The following PTPMT1 variants were observed in gnomAD, a reference collection of about 807,000 sequenced individuals.
PTPMT1 encodes protein tyrosine phosphatase mitochondrial 1.
In PTPMT1, 12 loss-of-function variants were observed where a neutral mutation model predicts 17.8. That is an observed-to-expected ratio of 0.67 (90% CI 0.43 to 1.09). PTPMT1 has a LOEUF of 1.09. Ranked by LOEUF, PTPMT1 falls within the 50% of genes least tolerant of loss-of-function variation. The probability of loss-of-function intolerance (pLI) is 0.00; values close to 1 mark genes in which losing one functional copy is unlikely to be tolerated. For missense variants in PTPMT1, 262 were observed against 266.0 expected (o/e 0.99, Z 0.10); for synonymous variants, 132 against 116.8 (o/e 1.13, Z -0.84).
chr11:47,565,869 C>T, intron 1 of PTPMT1, 37 bp from the exon 2 acceptor site: 1 of 1,611,340 alleles, frequency 6.2e-7, no homozygotes, highest in Non-Finnish European at 8.5e-7. Context: ...GCTGGGGTCT[C>T]CACCGTCTTT....
At chr11:47,568,733 C>G (rs964820533) in intron 2 of PTPMT1, among the ~76,000 whole-genome samples, 2 of 151,904 alleles carry the variant, frequency 1.3e-5, no homozygotes, top group African/African-American at 4.8e-5. Context: ...CTCTTGTCTC[C>G]CAGGCTGGAG....
chr11:47,572,967 T>C lies in PTPMT1; in HGVS notation c.*1338T>C. 6.2e-7 allele frequency: 1 copy of C among 1,614,196 alleles called. No individual in the cohort carries two copies. The highest frequency in any genetic ancestry group is 8.5e-7 in the Non-Finnish European group (1 of 1,180,034). On this transcript the variant is annotated 3_prime_UTR_variant, in exon 4 of 4. Transcript: ENST00000326674. ...AAACTGCAAATTGGTAAGCAGCACC[T>C]TAATACCTCTTGTGACAGTTACGGC... is the stretch of plus-strand genomic sequence containing the variant.
At chr11:47,566,030 C>A in intron 2 of PTPMT1, 44 bp downstream of exon 2, 1 of 1,331,010 alleles carries the variant, frequency 7.5e-7, no homozygotes, top group South Asian at 1.5e-5. Flanking sequence ...CCCGCTCCCC[C>A]TCGCCCACCG....
chr11:47,573,216 T>G lies in PTPMT1; in HGVS notation c.*1587T>G. ...CACCAGATCTTTATGCACAGCTGCG[T>G]GCATGCGGCCTGCAAAGGGCAGCAC... On this transcript the variant is annotated 3_prime_UTR_variant, in exon 4 of 4. Transcript: ENST00000326674. This position sits in a 1 kb window ranked among gnomAD's most constrained non-coding sequence, Gnocchi z 4.1. 6.2e-7 allele frequency: 1 copy of G among 1,614,168 alleles called. No homozygotes were observed. Among genetic ancestry groups the G allele is most frequent in the Non-Finnish European group, 8.5e-7 (1 of 1,180,028 alleles).
Position 47,569,732 on chromosome 11 carries a change from G to A in PTPMT1, c.288G>A (p.Arg96=), listed in dbSNP as rs1303998136. The A allele has an allele frequency of 6.2e-7, 1 of 1,613,516 alleles. No homozygotes were observed. Among genetic ancestry groups the A allele is most frequent in the Non-Finnish European group, 8.5e-7 (1 of 1,179,826 alleles). ...EWKRLGVEQL[R]LSTVDMTGIP... is the part of the protein sequence containing the mutation. ...AGAGACTAGGAGTCGAGCAGCTGCG[G>A]CTCAGCACAGTAGACATGACTGGGA... The change falls in exon 3 of 4, where the codon CGG becomes CGA. Residue 96 remains arginine (R), a synonymous_variant. Transcript: ENST00000326674.
chr11:47,569,592 A>G, intron 2 of PTPMT1, 108 bp from the exon 3 acceptor site: 1 of 803,826 alleles, frequency 1.2e-6, no homozygotes, highest in Admixed American at 3.0e-5. Context: ...CCATTGTAGT[A>G]AACCCTGAAA....
intron 2 of PTPMT1, among the ~76,000 whole-genome samples, chr11:47,568,167 G>A (rs750400497): frequency 2.0e-5 from 3 of 151,892 alleles, no homozygotes; most frequent in Non-Finnish European, 2.9e-5. Flanking sequence ...TGATCCGCCC[G>A]CCTTGGCCTC....
At chr11:47,567,450 C>G (rs933715895) in intron 2 of PTPMT1, among the ~76,000 whole-genome samples, 1 of 151,628 alleles carries the variant, frequency 6.6e-6, no homozygotes. Context: ...ACCATAAAGT[C>G]TCTGATACTC....
At position 47,565,703 on chromosome 11, in the gene PTPMT1, GA is replaced by G; in HGVS notation, c.83del (p.Lys28ArgfsTer28). 1.3e-6 allele frequency: 2 copies of G among 1,564,912 alleles called. No homozygotes were observed. Among genetic ancestry groups the G allele is most frequent in the Admixed American group, 1.8e-5 (1 of 54,364 alleles). On this transcript the variant is annotated frameshift_variant, in exon 1 of 4. Transcript: ENST00000326674. LOFTEE classifies it high-confidence loss of function. The stretch of plus-strand genomic sequence containing the variant: ...CGCTGCTCTACACCCTGTTCCGCGG[GA>G]AGGTGCCGGGTCGGGCGCACCGGGA... ...PTLLYTLFRGKVPGRAHRDWY... is the reference protein window; with the variant it reads ...PTLLYTLFRGXVPGRAHRDWY...
intron 2 of PTPMT1, among the ~76,000 whole-genome samples, chr11:47,567,405 C>CA (rs547929091): frequency 0.024 from 3,039 of 125,876 alleles, 29 homozygotes; most frequent in Middle Eastern, 0.042. Context: ...GTCTCCGTCT[C>CA]AAAAAAAAAA....
rs747747981 is a variant in PTPMT1, at chr11:47,572,617, T to C, written c.*988T>C. The C allele has an allele frequency of 2.3e-5, 8 of 340,996 alleles. No homozygotes were observed. The highest frequency in any genetic ancestry group is 5.3e-5 in the East Asian group (1 of 18,808). The allele number at this position is 340,996 out of a possible 1,614,324, so 21.1% of individuals were successfully genotyped here. A position where few individuals can be genotyped will look rare whatever the true frequency, so the allele number is the denominator to read the frequency against. ...GGATCAGGGGTGCTTACATTTAACA[T>C]TGATCAGGTAAAGAGGAGAGGCTGT... is the stretch of plus-strand genomic sequence containing the variant. On this transcript the variant is annotated 3_prime_UTR_variant, in exon 4 of 4. Coordinates refer to ENST00000326674, the MANE Select transcript of PTPMT1 (RefSeq NM_175732.3).
chr11:47,567,960 C>CT (rs1187190844), intron 2 of PTPMT1, among the ~76,000 whole-genome samples: 5 of 152,104 alleles, frequency 3.3e-5, no homozygotes, highest in Admixed American at 3.3e-4. Flanking sequence ...GCTCTGTCGC[C>CT]TAGGCTGGAA....
Position 47,565,667 on chromosome 11 carries a change from C to A in PTPMT1, c.45C>A (p.Leu15=). Residue 15 remains leucine (L), a synonymous_variant, in exon 1 of 4, where the codon CTC becomes CTA. Coordinates refer to ENST00000326674, the MANE Select transcript of PTPMT1 (RefSeq NM_175732.3). The part of the protein sequence containing the change: ...ALLEAGLARV[L]FYPTLLYTLF... The stretch of plus-strand genomic sequence containing the variant: ...TGGAGGCCGGCCTGGCGCGGGTGCT[C>A]TTCTACCCGACGCTGCTCTACACCC... The A allele has an allele frequency of 7.0e-7, 1 of 1,438,676 alleles. No individual in the cohort carries two copies. 89.1% of individuals were successfully genotyped at this position (1,438,676 alleles called of 1,614,324 possible). A position where few individuals can be genotyped will look rare whatever the true frequency, so the allele number is the denominator to read the frequency against.
chr11:47,571,104 C>T (rs1023099863), intron 3 of PTPMT1, among the ~76,000 whole-genome samples: 1 of 152,152 alleles, frequency 6.6e-6, no homozygotes, highest in African/African-American at 2.4e-5. Flanking sequence ...ATTGCATACT[C>T]GTTCCTAGAA....
intron 2 of PTPMT1, among the ~76,000 whole-genome samples, chr11:47,568,826 G>A (rs2097247848): frequency 6.6e-6 from 1 of 152,012 alleles, no homozygotes; most frequent in Admixed American, 6.6e-5. Flanking sequence ...TAGTAGCTGG[G>A]ATCACAGGCA....
rs773831917 is a variant in PTPMT1, at chr11:47,569,652, C to T, written c.256-48C>T. On this transcript the variant is annotated intron_variant, in intron 2 of 3. Transcript: ENST00000326674. ...TGGGAGCCCCTTATCATCCCACCCACATAGTTTTTTTTCATTCTCTTTTTC... is the reference window on the plus strand; with the variant it reads ...TGGGAGCCCCTTATCATCCCACCCATATAGTTTTTTTTCATTCTCTTTTTC... The T allele has an allele frequency of 1.1e-5, 17 of 1,495,236 alleles. No individual in the cohort carries two copies. The East Asian group carries it at 3.9e-4, about 35-fold the overall frequency. 92.6% of individuals were successfully genotyped at this position (1,495,236 alleles called of 1,614,324 possible). A position where few individuals can be genotyped will look rare whatever the true frequency, so the allele number is the denominator to read the frequency against.
chr11:47,572,597 A>G lies in PTPMT1; in HGVS notation c.*968A>G. On this transcript the variant is annotated 3_prime_UTR_variant, in exon 4 of 4. Transcript: ENST00000326674. ...GCATCTTTCCTTATGTCCTGGGATC[A>G]GGGGTGCTTACATTTAACATTGATC... 2 of 293,182 alleles carry G rather than the reference A, an allele frequency of 6.8e-6. No individual in the cohort carries two copies. Among genetic ancestry groups the G allele is most frequent in the Admixed American group, 4.7e-5 (1 of 21,464 alleles). The allele number at this position is 293,182 out of a possible 1,614,324, so 18.2% of individuals were successfully genotyped here.
At chr11:47,568,130 C>G (rs952262275) in intron 2 of PTPMT1, among the ~76,000 whole-genome samples, 1 of 151,798 alleles carries the variant, frequency 6.6e-6, no homozygotes, top group African/African-American at 2.4e-5. Context: ...CCGTGTTAGC[C>G]AGGATGGTCT....
At position 47,573,369 on chromosome 11, in the gene PTPMT1, C is replaced by T. The variant is rs923366379; in HGVS notation, c.*1740C>T. 2 of 1,614,210 alleles carry T rather than the reference C, an allele frequency of 1.2e-6. No homozygotes were observed. Among genetic ancestry groups the T allele is most frequent in the East Asian group, 2.2e-5 (1 of 44,882 alleles). On this transcript the variant is annotated 3_prime_UTR_variant, in exon 4 of 4. Transcript: ENST00000326674. This position sits in a 1 kb window ranked among gnomAD's most constrained non-coding sequence, Gnocchi z 4.1. ...GTAGATGATCCCGTTGAGGTTGGCACCAGCAGCCCCTGACACAGCCACCTC... is the reference window on the plus strand; with the variant it reads ...GTAGATGATCCCGTTGAGGTTGGCATCAGCAGCCCCTGACACAGCCACCTC...
Sources: gnomAD v4.1 joint callset for allele counts (sites outside exome capture counted in the v4.1 genomes callset) on GRCh38, gnomAD v4.1.1 for gene constraint, Gnocchi (gnomAD v3.1) non-coding constraint, MANE v1.5 for transcripts, NCBI Gene and HGNC (gene_info 2026-07-23, HGNC 2026-07-21) for gene names.